The following BLK variants were observed in gnomAD, a reference collection of about 807,000 sequenced individuals.
BLK encodes the protein tyrosine-protein kinase Blk.
BLK carries 64 observed loss-of-function variants against 61.8 expected under a neutral mutation model. The observed-to-expected ratio is 1.03, with a 90% CI of 0.85 to 1.27. BLK has a LOEUF of 1.27. Among genes scored for constraint, BLK ranks in the 50% most tolerant of loss-of-function variants. The probability of loss-of-function intolerance (pLI) is 0.00; values close to 1 mark genes in which losing one functional copy is unlikely to be tolerated. For missense variants in BLK, 853 were observed against 660.5 expected (o/e 1.29, Z -3.19); for synonymous variants, 351 against 272.0 (o/e 1.29, Z -2.86).
intron 6 of BLK, 57 bp from the exon 7 acceptor site, chr8:11,554,686 G>A: frequency 6.3e-7 from 1 of 1,599,442 alleles, no homozygotes. Context: ...CCAAATCCCA[G>A]TCCCGTTTTT....
Position 11,551,367 on chromosome 8 carries a change from C to T in BLK, c.472+1105C>T, listed in dbSNP as rs185687439. 5.3e-5 allele frequency among the ~76,000 whole-genome samples: 8 copies of T among 152,314 alleles called. No homozygotes were observed. The East Asian group carries it at 7.7e-4, about 15-fold the overall frequency. On this transcript the variant is annotated intron_variant, in intron 6 of 12. Transcript: ENST00000259089. ...GATGGCCGTCTTCTCTGTGTCCTCA[C>T]GTGGCCGTCCCTCCATGCATGTCTG...
chr8:11,500,568 T>G (rs543010162), intron 1 of BLK, among the ~76,000 whole-genome samples: 1 of 151,782 alleles, frequency 6.6e-6, no homozygotes, highest in African/African-American at 2.4e-5. Flanking sequence ...CAGGCTGGAG[T>G]GCAGTGGTGT....
chr8:11,512,827 C>T (rs1799070448), intron 1 of BLK, among the ~76,000 whole-genome samples: 1 of 152,106 alleles, frequency 6.6e-6, no homozygotes, highest in Non-Finnish European at 1.5e-5. Context: ...CCACCATGCC[C>T]AGCTAATTAT....
intron 1 of BLK, among the ~76,000 whole-genome samples, chr8:11,534,633 A>T (rs1242488367): frequency 1.3e-5 from 2 of 152,170 alleles, no homozygotes; most frequent in Non-Finnish European, 2.9e-5. Flanking sequence ...ATTTTACCAC[A>T]ATGGGGGGAG....
chr8:11,522,894 G>A (rs779694788), intron 1 of BLK, among the ~76,000 whole-genome samples: 3 of 152,062 alleles, frequency 2.0e-5, no homozygotes, highest in Non-Finnish European at 4.4e-5. Flanking sequence ...CTAACTCCAT[G>A]ATCATTATTA....
intron 1 of BLK, among the ~76,000 whole-genome samples, chr8:11,541,007 T>A (rs542860128): frequency 6.6e-6 from 1 of 152,346 alleles, no homozygotes; most frequent in African/African-American, 2.4e-5. Context: ...GGCTGACACC[T>A]GCAATCCCAG....
At position 11,514,477 on chromosome 8, in the gene BLK, G is replaced by C. The variant is rs562263667; in HGVS notation, c.-2+19886G>C. Among the ~76,000 whole-genome samples the C allele has an allele frequency of 2.6e-5, 4 of 152,368 alleles. No homozygotes were observed. The South Asian group carries it at 6.2e-4, about 24-fold the overall frequency. On this transcript the variant is annotated intron_variant, in intron 1 of 12. Transcript: ENST00000259089. ...GGCCATCCCAGGTCTCAGAAGCCTT[G>C]TAAGAGCACAGTGGAGGACCCTTCT...
At chr8:11,560,877 C>G in intron 10 of BLK, 1 of 464,462 alleles carries the variant, frequency 2.2e-6, no homozygotes, top group African/African-American at 2.0e-5. Context: ...TTCCCGAGGG[C>G]CTCCAGCTCC....
intron 1 of BLK, among the ~76,000 whole-genome samples, chr8:11,535,238 A>G (rs1378023036): frequency 1.3e-5 from 2 of 149,598 alleles, no homozygotes; most frequent in Non-Finnish European, 3.0e-5. Flanking sequence ...AGAAAAAGAA[A>G]AGAAGGAAAG....
intron 1 of BLK, among the ~76,000 whole-genome samples, chr8:11,495,036 GTT>G (rs1375353577): frequency 6.6e-6 from 1 of 152,172 alleles, no homozygotes; most frequent in Non-Finnish European, 1.5e-5. Flanking sequence ...TGTTGCTTTC[GTT>G]TTATTTGTTT....
chr8:11,534,703 C>T (rs929944239), intron 1 of BLK, among the ~76,000 whole-genome samples: 1 of 152,144 alleles, frequency 6.6e-6, no homozygotes, highest in African/African-American at 2.4e-5. Context: ...ATAATTTCTC[C>T]TCCTAACTGT....
At chr8:11,510,673 A>G (rs1798964250) in intron 1 of BLK, among the ~76,000 whole-genome samples, 1 of 152,138 alleles carries the variant, frequency 6.6e-6, no homozygotes, top group Non-Finnish European at 1.5e-5. Context: ...AGAAATCGAA[A>G]GATCTTTGCC....
At chr8:11,544,334 G>C (rs1800521533) in intron 2 of BLK, among the ~76,000 whole-genome samples, 1 of 151,944 alleles carries the variant, frequency 6.6e-6, no homozygotes. Flanking sequence ...TTTTGGTTTG[G>C]GGCAGTTGGG....
chr8:11,511,409 G>A (rs1327792226), intron 1 of BLK, among the ~76,000 whole-genome samples: 2 of 150,070 alleles, frequency 1.3e-5, no homozygotes, highest in African/African-American at 4.9e-5. Context: ...AAACCTGTAT[G>A]TTGTGCACAT....
intron 1 of BLK, among the ~76,000 whole-genome samples, chr8:11,512,528 T>C (rs867074692): frequency 2.4e-4 from 36 of 152,208 alleles, no homozygotes; most frequent in African/African-American, 8.4e-4. Flanking sequence ...TACAAATTAT[T>C]TTAGTATTAT....
rs757430722 is a variant in BLK, at chr8:11,543,302, G to A, written c.78G>A (p.Leu26=). 3 of 1,613,764 alleles carry A rather than the reference G, an allele frequency of 1.9e-6. No individual in the cohort carries two copies. Among genetic ancestry groups the A allele is most frequent in the South Asian group, 2.2e-5 (2 of 91,072 alleles). Residue 26 remains leucine (L), a synonymous_variant, in exon 2 of 13, where the codon CTG becomes CTA. Transcript: ENST00000259089. The stretch of plus-strand genomic sequence containing the variant: ...AGGACAAGGGCCAATGGAGCCCCCT[G>A]AAGGTCAGCGCCCAAGACAAGGACG... ...KEKDKGQWSP[L]KVSAQDKDAP...
At chr8:11,559,518 C>T (rs1018341921) in intron 10 of BLK, among the ~76,000 whole-genome samples, 13 of 141,190 alleles carry the variant, frequency 9.2e-5, no homozygotes, top group Non-Finnish European at 1.5e-4. Context: ...CTCACACACA[C>T]AAACACACAC....
chr8:11,553,253 C>T, intron 6 of BLK: 1 of 217,890 alleles, frequency 4.6e-6, no homozygotes, highest in Non-Finnish European at 9.6e-6. Context: ...CCTCAGTTTA[C>T]TGGTGTCTAT....
intron 1 of BLK, among the ~76,000 whole-genome samples, chr8:11,497,246 T>C (rs1798392341): frequency 6.6e-6 from 1 of 152,196 alleles, no homozygotes; most frequent in Non-Finnish European, 1.5e-5. Context: ...GGTGATTACA[T>C]GTGGGCCTGC....
Sources: gnomAD v4.1 joint callset for allele counts (sites outside exome capture counted in the v4.1 genomes callset) on GRCh38, gnomAD v4.1.1 for gene constraint, MANE v1.5 for transcripts, NCBI Gene and HGNC (gene_info 2026-07-23, HGNC 2026-07-21) for gene names.